HS6ST2: variants seen among roughly 807,000 people sequenced by gnomAD.
HS6ST2 encodes heparan-sulfate 6-O-sulfotransferase 2.
HS6ST2 carries 17 observed loss-of-function variants against 33.0 expected under a neutral mutation model. The observed-to-expected ratio is 0.52, with a 90% CI of 0.35 to 0.77. The LOEUF (loss-of-function observed/expected upper bound fraction) is 0.77. HS6ST2 is among the 30% of genes least tolerant of loss of function. The probability of loss-of-function intolerance (pLI) is 0.01; values close to 1 mark genes in which losing one functional copy is unlikely to be tolerated. For missense variants in HS6ST2, 519 were observed against 551.7 expected, an observed-to-expected ratio of 0.94 and a Z score of 0.59; for synonymous variants, 248 against 237.1, an observed-to-expected ratio of 1.05 and a Z score of -0.42.
intron 2 of HS6ST2, among the ~76,000 whole-genome samples, chrX:132,777,573 G>A (rs2064974807): frequency 1.9e-5 from 2 of 106,362 alleles, no homozygotes; most frequent in Admixed American, 2.1e-4. Flanking sequence ...TGAGATTACA[G>A]GCATGCCACC....
intron 3 of HS6ST2, among the ~76,000 whole-genome samples, chrX:132,675,825 T>G (rs2063920461): frequency 9.0e-6 from 1 of 111,355 alleles, no homozygotes; most frequent in Non-Finnish European, 1.9e-5. Context: ...TCTCCTTTTT[T>G]TTTTTTACAT....
chrX:132,952,825 G>C (rs2067027901), intron 2 of HS6ST2, among the ~76,000 whole-genome samples: 1 of 110,907 alleles, frequency 9.0e-6, no homozygotes, highest in African/African-American at 3.3e-5. Flanking sequence ...CTAGCCACAA[G>C]ACCTACCCCT....
chrX:132,930,882 G>A (rs1455594850), intron 2 of HS6ST2, among the ~76,000 whole-genome samples: 1 of 111,489 alleles, frequency 9.0e-6, no homozygotes, highest in Non-Finnish European at 1.9e-5. Flanking sequence ...TAAACAGGGA[G>A]ACTGCTTGCT....
chrX:132,870,657 G>A lies in HS6ST2; in HGVS notation c.947+86151C>T, dbSNP rs752127337. On this transcript the variant is annotated intron_variant, in intron 2 of 4. Coordinates refer to ENST00000370833, the MANE Select transcript of HS6ST2 (RefSeq NM_001394073.1). ...ATTTTGACAAAACTATCAAAAACAA[G>A]CAATGGGGAAAGGATTTCCTATTTA... is the stretch of plus-strand genomic sequence containing the variant. 2.7e-5 allele frequency among the ~76,000 whole-genome samples: 3 copies of A among 111,674 alleles called. No individual in the cohort carries two copies. In the Admixed American group the frequency reaches 2.9e-4, roughly 11 times the overall value.
At chrX:132,848,834 G>C (rs1344175824) in intron 2 of HS6ST2, among the ~76,000 whole-genome samples, 1 of 111,591 alleles carries the variant, frequency 9.0e-6, no homozygotes, top group Admixed American at 9.6e-5. Flanking sequence ...ATTGCTAAAA[G>C]GGCCATGATT....
chrX:132,894,473 A>T (rs1381915352), intron 2 of HS6ST2, among the ~76,000 whole-genome samples: 1 of 24,302 alleles, frequency 4.1e-5, no homozygotes, highest in African/African-American at 2.8e-4. Context: ...TCCTATTGTT[A>T]TGTTATGTTA....
At chrX:132,738,283 C>T (rs1479003458) in intron 2 of HS6ST2, among the ~76,000 whole-genome samples, 2 of 112,652 alleles carry the variant, frequency 1.8e-5, no homozygotes, top group African/African-American at 6.5e-5. Context: ...TCTCAGCTTC[C>T]TTTGCCTAAC....
chrX:132,891,537 C>T (rs979607418), intron 2 of HS6ST2, among the ~76,000 whole-genome samples: 1 of 109,352 alleles, frequency 9.1e-6, no homozygotes. Flanking sequence ...CCTCCACACT[C>T]CCCCCACCCC....
rs140172181 is a variant in HS6ST2, at chrX:132,789,930, G to C, written c.948-81436C>G. Among the ~76,000 whole-genome samples the C allele has an allele frequency of 3.6e-5, 4 of 112,480 alleles. No individual in the cohort carries two copies. In the East Asian group the frequency reaches 1.1e-3, roughly 31 times the overall value. On this transcript the variant is annotated intron_variant, in intron 2 of 4. Coordinates refer to ENST00000370833, the MANE Select transcript of HS6ST2 (RefSeq NM_001394073.1). Reference sequence around the variant, plus strand: ...TGCTTCTTAAGGATTAGCAAAGAAAGTGGTTTCTTGAGATAGGATCTACTC... The same window carrying C: ...TGCTTCTTAAGGATTAGCAAAGAAACTGGTTTCTTGAGATAGGATCTACTC...
At chrX:132,740,596 G>A (rs962501395) in intron 2 of HS6ST2, among the ~76,000 whole-genome samples, 3 of 112,196 alleles carry the variant, frequency 2.7e-5, no homozygotes, top group Non-Finnish European at 3.8e-5. Context: ...AGAGAAGAAA[G>A]GGCATAGTTA....
At position 132,949,693 on chromosome X, in the gene HS6ST2, A is replaced by G. The variant is rs771993617; in HGVS notation, c.947+7115T>C. Among the ~76,000 whole-genome samples, 4 of 111,552 alleles carry G rather than the reference A, an allele frequency of 3.6e-5. No homozygotes were observed. In the South Asian group the frequency reaches 1.5e-3, roughly 42 times the overall value. Reference sequence around the variant, plus strand: ...ATTATTTTAAAAATTGTTAATGCTTATTGTTATTATATAAGTAATGTAGAC... The same window carrying G: ...ATTATTTTAAAAATTGTTAATGCTTGTTGTTATTATATAAGTAATGTAGAC... On this transcript the variant is annotated intron_variant, in intron 2 of 4. Transcript: ENST00000370833.
intron 2 of HS6ST2, among the ~76,000 whole-genome samples, chrX:132,842,466 T>C (rs2065716008): frequency 8.9e-6 from 1 of 111,988 alleles, no homozygotes; most frequent in African/African-American, 3.2e-5. Flanking sequence ...TGTAATCACT[T>C]TTCATTACCA....
At position 132,853,634 on chromosome X, in the gene HS6ST2, C is replaced by T. The variant is rs183530877; in HGVS notation, c.947+103174G>A. ...TTCTCATGTTTTACATCAAGCCCTA[C>T]ATTATGATTGTAAGTGAATCAGGGT... On this transcript the variant is annotated intron_variant, in intron 2 of 4. Transcript: ENST00000370833. 9.9e-5 allele frequency among the ~76,000 whole-genome samples: 11 copies of T among 111,425 alleles called. No homozygotes were observed. In the East Asian group the frequency reaches 2.8e-3, roughly 29 times the overall value.
intron 2 of HS6ST2, among the ~76,000 whole-genome samples, chrX:132,950,509 GT>G (rs1376992118): frequency 8.9e-6 from 1 of 111,826 alleles, no homozygotes; most frequent in Admixed American, 9.5e-5. Flanking sequence ...TACTTTTTTT[GT>G]TTGGTGGTGA....
At chrX:132,930,094 C>T in intron 2 of HS6ST2, among the ~76,000 whole-genome samples, 1 of 111,574 alleles carries the variant, frequency 9.0e-6, no homozygotes, top group Non-Finnish European at 1.9e-5. Context: ...CCAATTGTGG[C>T]AAGTAGCCCA....
rs777083088 is a variant in HS6ST2 at position 132,956,867 on chromosome X, G to A, written c.888C>T (p.Leu296=). Reference sequence around the variant, plus strand: ...CCACCACGGAGGGCACACAGCTGGTGAGCTCGGTCCAGTCGGCGTGCAACC... The same window carrying A: ...CCACCACGGAGGGCACACAGCTGGTAAGCTCGGTCCAGTCGGCGTGCAACC... ...SCGLHADWTE[L]TSCVPSVVDG... The change falls in exon 2 of 5, where the codon CTC becomes CTT. Residue 296 remains leucine, a synonymous_variant. Transcript: ENST00000370833. 2.5e-6 allele frequency: 3 copies of A among 1,187,144 alleles called. No individual in the cohort carries two copies. The highest frequency in any genetic ancestry group is 1.9e-5 in the South Asian group (1 of 53,861).
intron 2 of HS6ST2, among the ~76,000 whole-genome samples, chrX:132,722,497 T>C (rs1207722470): frequency 8.9e-6 from 1 of 111,985 alleles, no homozygotes; most frequent in Non-Finnish European, 1.9e-5. Flanking sequence ...AGGTAATTTT[T>C]AAAATAAATC....
intron 2 of HS6ST2, among the ~76,000 whole-genome samples, chrX:132,889,025 A>G (rs1457093923): frequency 9.0e-6 from 1 of 110,657 alleles, no homozygotes; most frequent in African/African-American, 3.3e-5. Context: ...GATTAGATCA[A>G]TTTTCCCAAT....
chrX:132,955,731 C>T (rs1351338737), intron 2 of HS6ST2, among the ~76,000 whole-genome samples: 4 of 112,106 alleles, frequency 3.6e-5, no homozygotes, highest in Admixed American at 9.4e-5. Context: ...TAACTGCACC[C>T]CATAGCACTC....
Sources: allele counts gnomAD v4.1 joint callset (sites outside exome capture counted in the v4.1 genomes callset), GRCh38; gene constraint gnomAD v4.1.1; transcripts MANE v1.5; gene names NCBI Gene and HGNC (gene_info 2026-07-23, HGNC 2026-07-21).